ZFHX3: variants seen among roughly 807,000 people sequenced by gnomAD.
ZFHX3 encodes the protein zinc finger homeobox protein 3.
Under a neutral mutation model 279.1 loss-of-function variants are expected in ZFHX3, and 42 were observed. That is an observed-to-expected ratio of 0.15 (90% confidence interval 0.12 to 0.19). The LOEUF (loss-of-function observed/expected upper bound fraction) is 0.19. Among genes scored for constraint, ZFHX3 ranks in the 10% least tolerant of loss-of-function variants. The pLI is 1.00. For synonymous variants in ZFHX3, 2,293 were observed against 1,957.8 expected (o/e 1.17, Z -4.52); for missense variants, 4,981 against 4,754.0 (o/e 1.05, Z -1.40).
chr16:73,066,430 T>C (rs1465168423), intron 8 of ZFHX3, among the ~76,000 whole-genome samples: 1 of 152,088 alleles, frequency 6.6e-6, no homozygotes, highest in Admixed American at 6.5e-5. Context: ...TCGGGACCCT[T>C]TTTTTTCCTG....
At chr16:73,640,390 G>T (rs2142155586) in intron 2 of ZFHX3, among the ~76,000 whole-genome samples, 1 of 148,166 alleles carries the variant, frequency 6.7e-6, no homozygotes, top group South Asian at 2.2e-4. Flanking sequence ...ATATTTGGAG[G>T]AAGCTGAATC....
At chr16:73,020,574 G>GT (rs1964263476) in intron 1 of ZFHX3, among the ~76,000 whole-genome samples, 1 of 152,196 alleles carries the variant, frequency 6.6e-6, no homozygotes, top group Admixed American at 6.5e-5. Flanking sequence ...CAGGCCCGTG[G>GT]TGTTGACTTT....
At chr16:72,926,943 T>C (rs9929737) in intron 3 of ZFHX3, among the ~76,000 whole-genome samples, 45,484 of 152,100 alleles carry the variant, frequency 0.3, 7,197 homozygotes, top group African/African-American at 0.36. Context: ...ACGAAATTTA[T>C]AGGAAAGTCT....
At chr16:73,717,667 A>G (rs1305525798) in intron 1 of ZFHX3, among the ~76,000 whole-genome samples, 1 of 152,180 alleles carries the variant, frequency 6.6e-6, no homozygotes, top group Non-Finnish European at 1.5e-5. Context: ...TTCATCTCCG[A>G]GTTCGGACCT....
chr16:73,722,444 T>A (rs2053482684), intron 1 of ZFHX3, among the ~76,000 whole-genome samples: 1 of 152,232 alleles, frequency 6.6e-6, no homozygotes, highest in South Asian at 2.1e-4. Flanking sequence ...CTTCTCACTC[T>A]TGGCTCTGAT....
At chr16:73,412,989 G>A (rs1009930961) in intron 3 of ZFHX3, among the ~76,000 whole-genome samples, 4 of 152,196 alleles carry the variant, frequency 2.6e-5, no homozygotes, top group Non-Finnish European at 4.4e-5. Context: ...GGCCCACCGT[G>A]TGCAAAGTAC....
intron 4 of ZFHX3, among the ~76,000 whole-genome samples, chr16:72,887,931 C>A (rs139409870): frequency 6.6e-6 from 1 of 151,826 alleles, no homozygotes; most frequent in Non-Finnish European, 1.5e-5. Flanking sequence ...GTGCCGTCTG[C>A]GTGAGTCTGT....
intron 3 of ZFHX3, among the ~76,000 whole-genome samples, chr16:73,380,633 C>T (rs575342922): frequency 3.8e-4 from 58 of 152,114 alleles, no homozygotes; most frequent in African/African-American, 1.2e-3. Flanking sequence ...CACCCAGAAA[C>T]GAGAATGGGA....
intron 4 of ZFHX3, among the ~76,000 whole-genome samples, chr16:72,865,419 C>A (rs545749836): frequency 6.6e-6 from 1 of 152,208 alleles, no homozygotes; most frequent in African/African-American, 2.4e-5. Context: ...ACCTTCATGG[C>A]GGCCCTGTGC....
intron 2 of ZFHX3, among the ~76,000 whole-genome samples, chr16:73,590,553 A>C (rs1490649989): frequency 6.6e-6 from 1 of 152,238 alleles, no homozygotes; most frequent in Non-Finnish European, 1.5e-5. Flanking sequence ...TAAATCCAAG[A>C]GTTCACAGTA....
Position 73,081,277 on chromosome 16 carries a change from A to T in ZFHX3, c.-533+11958T>A, listed in dbSNP as rs189927758. 2.1e-3 allele frequency: 309 copies of T among 147,150 alleles called. 1 individual carries two copies. The highest frequency in any genetic ancestry group is 7.4e-3 in the African/African-American group (294 of 39,686). The allele number at this position is 147,150 out of a possible 1,614,324, so 9.1% of individuals were successfully genotyped here. Reference sequence around the variant, plus strand: ...TTTCTTTTTTTTTTTTTTGAGACAGAGTTTTGCTCTTGTTGCCTAGGCTGG... The same window carrying T: ...TTTCTTTTTTTTTTTTTTGAGACAGTGTTTTGCTCTTGTTGCCTAGGCTGG... On this transcript the variant is annotated intron_variant, in intron 8 of 17. Transcript: ENST00000641206.
intron 1 of ZFHX3, among the ~76,000 whole-genome samples, chr16:73,041,232 C>A (rs573707184): frequency 6.6e-6 from 1 of 152,294 alleles, no homozygotes; most frequent in South Asian, 2.1e-4. Context: ...TTTCCTCTGT[C>A]ACCCAATTTT....
intron 1 of ZFHX3, among the ~76,000 whole-genome samples, chr16:73,023,018 A>G (rs1964360896): frequency 6.6e-6 from 1 of 152,200 alleles, no homozygotes; most frequent in African/African-American, 2.4e-5. Context: ...ACTTGAGGTC[A>G]GGAGTTCGAG....
chr16:73,498,842 A>C (rs1473146267), intron 2 of ZFHX3, among the ~76,000 whole-genome samples: 1 of 152,210 alleles, frequency 6.6e-6, no homozygotes. Context: ...TATTGAGAGC[A>C]GTCAGCCTCC....
chr16:73,722,608 CT>C (rs999133421), intron 1 of ZFHX3, among the ~76,000 whole-genome samples: 8 of 151,736 alleles, frequency 5.3e-5, no homozygotes, highest in East Asian at 1.9e-4. Flanking sequence ...GAAAAGTGTA[CT>C]TTTTTTTTCT....
intron 5 of ZFHX3, among the ~76,000 whole-genome samples, chr16:73,217,332 C>T (rs1365727274): frequency 9.2e-5 from 14 of 152,292 alleles, no homozygotes; most frequent in African/African-American, 4.8e-5. Flanking sequence ...CATGACCGTC[C>T]GATTTGAGTT....
intron 4 of ZFHX3, among the ~76,000 whole-genome samples, chr16:72,872,905 C>T (rs1163806005): frequency 6.6e-6 from 1 of 152,232 alleles, no homozygotes; most frequent in East Asian, 1.9e-4. Flanking sequence ...AAGATCCTCT[C>T]TTTAGGCAGA....
At chr16:73,129,639 C>A (rs28530756) in intron 7 of ZFHX3, among the ~76,000 whole-genome samples, 7 of 150,184 alleles carry the variant, frequency 4.7e-5, no homozygotes, top group African/African-American at 1.5e-4. Context: ...TGCGTGTGTG[C>A]GTGTGCGTGT....
intron 1 of ZFHX3, among the ~76,000 whole-genome samples, chr16:73,841,581 G>A (rs1044340123): frequency 3.5e-4 from 54 of 152,224 alleles, no homozygotes; most frequent in African/African-American, 1.2e-3. Flanking sequence ...ACAGGATAAT[G>A]CCATGGCCAC....
Sources: allele counts gnomAD v4.1 joint callset (sites outside exome capture counted in the v4.1 genomes callset), GRCh38; gene constraint gnomAD v4.1.1; transcripts MANE v1.5; gene names NCBI Gene and HGNC (gene_info 2026-07-23, HGNC 2026-07-21).